The following MAST2 variants were observed in gnomAD, a reference collection of about 807,000 sequenced individuals.
MAST2 encodes the protein microtubule associated serine/threonine kinase 2, also known as microtubule-associated serine/threonine-protein kinase 2.
A neutral mutation model predicts 147.4 loss-of-function variants in MAST2; 70 were observed. That is an observed-to-expected ratio of 0.47 (90% CI 0.39 to 0.58). MAST2 has a LOEUF of 0.58. Ranked by LOEUF, MAST2 falls within the 20% of genes least tolerant of loss-of-function variation. MAST2 has a pLI of 0.00. For synonymous variants in MAST2, 869 were observed against 896.8 expected, an observed-to-expected ratio of 0.97 and a Z score of 0.55; for missense variants, 2,080 against 2,302.3, an observed-to-expected ratio of 0.90 and a Z score of 1.98.
intron 4 of MAST2, among the ~76,000 whole-genome samples, chr1:45,888,573 A>C (rs2148368401): frequency 6.7e-6 from 1 of 149,342 alleles, no homozygotes; most frequent in East Asian, 2.0e-4. Context: ...TCTGTTAGCC[A>C]GTATGGTCTC....
rs558092565 is a variant in MAST2, at chr1:45,888,391, C to T, written c.500+5996C>T. On this transcript the variant is annotated intron_variant, in intron 4 of 28. Coordinates refer to ENST00000361297, the MANE Select transcript of MAST2 (RefSeq NM_015112.3). ...TTATTTTATTTTTTTGAGACTGAGT[C>T]TCGCTCTGTGGTCCAAGCTGGAGTA... is the stretch of plus-strand genomic sequence containing the variant. 3.2e-4 allele frequency among the ~76,000 whole-genome samples: 49 copies of T among 152,140 alleles called. No individual in the cohort carries two copies. The South Asian group carries it at 0.01, about 32-fold the overall frequency.
At chr1:45,870,799 C>T (rs1646354631) in intron 3 of MAST2, among the ~76,000 whole-genome samples, 2 of 151,320 alleles carry the variant, frequency 1.3e-5, no homozygotes, top group Non-Finnish European at 2.9e-5. Context: ...CGTGGCGGTG[C>T]ACACCTGTAG....
At position 45,908,934 on chromosome 1, in the gene MAST2, G is replaced by A. The variant is rs60744625; in HGVS notation, c.500+26539G>A. ...CCCAGTGCCTGAAAACTATTACATT[G>A]TATATTTTGTCTATTCTTATGGTAA... On this transcript the variant is annotated intron_variant, in intron 4 of 28. Transcript: ENST00000361297. 3.5e-3 allele frequency among the ~76,000 whole-genome samples: 534 copies of A among 152,140 alleles called. 2 individuals are homozygous for A. Among genetic ancestry groups the A allele is most frequent in the African/African-American group, 0.012 (485 of 41,518 alleles).
chr1:46,029,780 G>T, intron 19 of MAST2, 51 bp from the exon 20 acceptor site: 2 of 1,604,582 alleles, frequency 1.2e-6, no homozygotes, highest in South Asian at 2.2e-5. Flanking sequence ...TGCTGACCTA[G>T]ACTCCATGCT....
chr1:45,813,120 A>G (rs1644351931), intron 1 of MAST2, among the ~76,000 whole-genome samples: 1 of 152,180 alleles, frequency 6.6e-6, no homozygotes, highest in South Asian at 2.1e-4. Context: ...CAGATTATTT[A>G]TAATATATAA....
intron 3 of MAST2, among the ~76,000 whole-genome samples, chr1:45,866,627 CCT>C (rs1646161875): frequency 1.3e-5 from 2 of 152,314 alleles, no homozygotes; most frequent in Admixed American, 1.3e-4. Context: ...TGATGCCCTT[CCT>C]CTCGAGTCTT....
chr1:45,877,471 G>A (rs960954101), intron 3 of MAST2, among the ~76,000 whole-genome samples: 2 of 152,102 alleles, frequency 1.3e-5, no homozygotes, highest in African/African-American at 4.8e-5. Flanking sequence ...GCCCCACCTC[G>A]TAATACTATC....
intron 4 of MAST2, among the ~76,000 whole-genome samples, chr1:45,950,223 T>C (rs1456393219): frequency 6.6e-6 from 1 of 151,848 alleles, no homozygotes. Flanking sequence ...AAAATAATAA[T>C]AATAACAGTG....
rs758348052 is a variant in MAST2 at position 46,010,785 on chromosome 1, A to T, written c.1034A>T (p.Asp345Val). 3.1e-6 allele frequency: 5 copies of T among 1,614,090 alleles called. No homozygotes were observed. The highest frequency in any genetic ancestry group is 4.2e-6 in the Non-Finnish European group (5 of 1,180,046). Residue 345 changes from aspartate (D) to valine (V), a missense_variant, in exon 10 of 29, where the codon GAC becomes GTC. Asp to Val is a radical substitution (Grantham distance 152). This residue lies in a region of MAST2 where 569 missense variants were observed against 642.5 expected (regional missense o/e 0.89). Transcript: ENST00000361297. ...LAEFISSNTPDSVLPLADGAL... is the reference protein window; with the variant it reads ...LAEFISSNTPVSVLPLADGAL... ...GAGTTTATTTCCTCCAACACTCCAG[A>T]CAGCGTGCTGCCCTTGGCAGATGGA...
Position 46,035,764 on chromosome 1 carries a change from C to A in MAST2, c.5095C>A (p.Pro1699Thr). 1 of 1,614,058 alleles carries A rather than the reference C, an allele frequency of 6.2e-7. No homozygotes were observed. Among genetic ancestry groups the A allele is most frequent in the Non-Finnish European group, 8.5e-7 (1 of 1,180,034 alleles). The change falls in exon 29 of 29, where the codon CCC (proline) becomes ACC (threonine). Residue 1699 changes from proline to threonine, a missense_variant. By Grantham distance (38) the Pro-to-Thr change is conservative. Around this residue, in one of 4 missense-constraint regions of MAST2, gnomAD observed 1,278 missense variants for 1,304.2 expected, o/e 0.98. Coordinates refer to ENST00000361297, the MANE Select transcript of MAST2 (RefSeq NM_015112.3). This position sits in a 1 kb window ranked among gnomAD's most constrained non-coding sequence, Gnocchi z 5.5. The part of the protein sequence containing the change: ...TTPAQPKNLS[P>T]REQGKTQPPS... Reference sequence around the variant, plus strand: ...TCCAGCCCAGCCTAAGAACCTGTCTCCCAGGGAGCAGGGGAAGACACAGCC... The same window carrying A: ...TCCAGCCCAGCCTAAGAACCTGTCTACCAGGGAGCAGGGGAAGACACAGCC...
chr1:45,959,627 T>C (rs1261238388), intron 5 of MAST2, 150 bp downstream of exon 5: 2 of 641,424 alleles, frequency 3.1e-6, no homozygotes, highest in Non-Finnish European at 5.4e-6. Context: ...GCTTGCTTTC[T>C]GTACGAGAAT....
chr1:45,804,013 C>A lies in MAST2; in HGVS notation c.118C>A (p.Pro40Thr). The A allele has an allele frequency of 8.3e-7, 1 of 1,205,280 alleles. No homozygotes were observed. The highest frequency in any genetic ancestry group is 1.1e-6 in the Non-Finnish European group (1 of 935,720). 74.7% of individuals were successfully genotyped at this position (1,205,280 alleles called of 1,614,324 possible). Residue 40 changes from proline (P) to threonine (T), a missense_variant, in exon 1 of 29, where the codon CCC becomes ACC. Transcript: ENST00000361297. ...TTTGCCGCCGCGCCGGCGAGCGCCG[C>A]CCGGGAGGCAGCGGCTGGAGGAGCG... ...QSLPPRRRAPPGRQRLEERTG... is the reference protein window; with the variant it reads ...QSLPPRRRAPTGRQRLEERTG...
chr1:46,030,816 C>T, intron 22 of MAST2, 55 bp downstream of exon 22: 1 of 1,509,900 alleles, frequency 6.6e-7, no homozygotes, highest in African/African-American at 1.4e-5. Context: ...TGCATTGTCA[C>T]AGATCATGGG....
chr1:46,008,125 G>C (rs996059736), intron 8 of MAST2, among the ~76,000 whole-genome samples, 171 bp from the exon 9 acceptor site: 5 of 152,026 alleles, frequency 3.3e-5, no homozygotes, highest in African/African-American at 1.2e-4. Flanking sequence ...AACTGAACAA[G>C]GTACACTGGA....
At chr1:46,025,945 C>G in intron 16 of MAST2, 130 bp downstream of exon 16, 2 of 1,213,056 alleles carry the variant, frequency 1.6e-6, no homozygotes, top group Non-Finnish European at 2.4e-6. Flanking sequence ...GTGTGTCCAT[C>G]TGGGCCTAGT....
At position 46,035,707 on chromosome 1, in the gene MAST2, C is replaced by G. The variant is rs779718909; in HGVS notation, c.5038C>G (p.Leu1680Val). ...PSRKATMAGG[L>V]ANLQDLENTT... The stretch of plus-strand genomic sequence containing the variant: ...CAGAAAGGCAACCATGGCAGGTGGG[C>G]TAGCCAACCTCCAGGATTTGGAAAA... Residue 1680 changes from leucine to valine, a missense_variant, in exon 29 of 29, where the codon CTA becomes GTA. Around this residue, in one of 4 missense-constraint regions of MAST2, gnomAD observed 1,278 missense variants for 1,304.2 expected, o/e 0.98. Coordinates refer to ENST00000361297, the MANE Select transcript of MAST2 (RefSeq NM_015112.3). This position sits in a 1 kb window ranked among gnomAD's most constrained non-coding sequence, Gnocchi z 5.5. 6.2e-7 allele frequency: 1 copy of G among 1,613,998 alleles called. No individual in the cohort carries two copies. Among genetic ancestry groups the G allele is most frequent in the South Asian group, 1.1e-5 (1 of 91,080 alleles).
intron 4 of MAST2, among the ~76,000 whole-genome samples, chr1:45,934,889 C>T (rs150715846): frequency 1.8e-3 from 267 of 152,264 alleles, no homozygotes; most frequent in East Asian, 0.013. Flanking sequence ...TTTGATAGAA[C>T]GACTTATTTT....
chr1:45,911,956 T>C (rs2148579399), intron 4 of MAST2, among the ~76,000 whole-genome samples: 1 of 151,156 alleles, frequency 6.6e-6, no homozygotes, highest in East Asian at 1.9e-4. Flanking sequence ...AAACTTAGGA[T>C]TCAGCCATAA....
chr1:46,035,465 G>A lies in MAST2; in HGVS notation c.4796G>A (p.Gly1599Asp), dbSNP rs749030999. 8.7e-6 allele frequency: 14 copies of A among 1,613,120 alleles called. No homozygotes were observed. The highest frequency in any genetic ancestry group is 1.0e-5 in the Non-Finnish European group (12 of 1,179,968). The change falls in exon 29 of 29, where the codon GGC becomes GAC. Residue 1599 changes from glycine to aspartate, a missense_variant. By Grantham distance (94) the Gly-to-Asp change is moderately conservative. Transcript: ENST00000361297. The surrounding 1 kb of genome is among the most constrained non-coding windows in gnomAD (Gnocchi z 5.5). ...GAGGCTGCCAGCTCCTCCTCAGCAG[G>A]CCCCAACCTAGGTCAGTCTGGAGCC... ...IEEAASSSSA[G>D]PNLGQSGATD...
Sources: allele counts gnomAD v4.1 joint callset (sites outside exome capture counted in the v4.1 genomes callset), GRCh38; gene constraint gnomAD v4.1.1; regional missense constraint gnomAD v4.1.1; non-coding constraint Gnocchi (gnomAD v3.1); transcripts MANE v1.5; gene names NCBI Gene and HGNC (gene_info 2026-07-23, HGNC 2026-07-21).